Variants in CNBD1 observed in about 807,000 individuals in gnomAD.
The protein encoded by CNBD1 is cyclic nucleotide binding domain containing 1.
CNBD1 carries 71 observed loss-of-function variants against 54.4 expected under a neutral mutation model. That is an observed-to-expected ratio of 1.30 (90% CI 1.08 to 1.59). The LOEUF is 1.59. Among genes scored for constraint, CNBD1 ranks in the 40% most tolerant of loss-of-function variants. The pLI, the probability that CNBD1 is intolerant of heterozygous loss-of-function variation, is 0.00. For missense variants in CNBD1, 659 were observed against 518.0 expected, an observed-to-expected ratio of 1.27 and a Z score of -2.64; for synonymous variants, 182 against 170.7, an observed-to-expected ratio of 1.07 and a Z score of -0.51.
chr8:87,283,700 C>A (rs1585982471), intron 6 of CNBD1, among the ~76,000 whole-genome samples: 1 of 152,128 alleles, frequency 6.6e-6, no homozygotes, highest in Middle Eastern at 3.4e-3. Context: ...TCTTCCTGTC[C>A]CCACTTCACA....
intron 4 of CNBD1, among the ~76,000 whole-genome samples, chr8:86,994,926 C>T (rs879213307): frequency 5.3e-5 from 8 of 152,000 alleles, no homozygotes; most frequent in Non-Finnish European, 8.8e-5. Flanking sequence ...TTGTGTGCTA[C>T]GTATGGGTCA....
At chr8:87,064,257 G>A (rs1017699401) in intron 4 of CNBD1, among the ~76,000 whole-genome samples, 28 of 151,382 alleles carry the variant, frequency 1.8e-4, no homozygotes, top group African/African-American at 6.1e-4. Context: ...AAATAATCTC[G>A]CTTTCTTTTT....
intron 4 of CNBD1, among the ~76,000 whole-genome samples, chr8:87,117,769 T>G (rs1358382787): frequency 1.3e-5 from 2 of 152,166 alleles, no homozygotes; most frequent in Non-Finnish European, 2.9e-5. Flanking sequence ...AGACAAAAGG[T>G]ACTCCAAATA....
intron 2 of CNBD1, among the ~76,000 whole-genome samples, chr8:86,891,775 A>G (rs1442078884): frequency 6.6e-6 from 1 of 151,936 alleles, no homozygotes; most frequent in Non-Finnish European, 1.5e-5. Flanking sequence ...CAGTATACAG[A>G]TCTTTAAACT....
downstream of CNBD1, among the ~76,000 whole-genome samples, chr8:87,385,727 T>C (rs1258368699): frequency 6.6e-6 from 1 of 152,144 alleles, no homozygotes; most frequent in Non-Finnish European, 1.5e-5. Flanking sequence ...CAGAAAACTC[T>C]GCAGACTTAA....
intron 4 of CNBD1, among the ~76,000 whole-genome samples, chr8:87,046,056 A>C (rs890255320): frequency 3.3e-5 from 5 of 151,242 alleles, no homozygotes; most frequent in African/African-American, 1.2e-4. Flanking sequence ...AAAAAAAAAA[A>C]AAAAAAAAAA....
At chr8:87,102,702 C>T (rs1811455270) in intron 4 of CNBD1, among the ~76,000 whole-genome samples, 2 of 152,086 alleles carry the variant, frequency 1.3e-5, no homozygotes, top group Admixed American at 1.3e-4. Flanking sequence ...CAAGCTCTGC[C>T]TCCCGGGTTC....
intron 1 of CNBD1, among the ~76,000 whole-genome samples, chr8:86,879,642 C>T (rs773204184): frequency 6.6e-6 from 1 of 152,092 alleles, no homozygotes; most frequent in Non-Finnish European, 1.5e-5. Flanking sequence ...GAGGCCAAGG[C>T]GGGTGGATCA....
chr8:86,977,828 C>A (rs1330967606), intron 4 of CNBD1, among the ~76,000 whole-genome samples: 1 of 152,030 alleles, frequency 6.6e-6, no homozygotes, highest in Non-Finnish European at 1.5e-5. Flanking sequence ...TAATACCAAT[C>A]ATTCTCACAC....
In CNBD1 at chr8:87,228,696, T is replaced by C. The variant is rs570630957; in HGVS notation, c.578-8223T>C. Among the ~76,000 whole-genome samples the C allele has an allele frequency of 1.5e-3, 221 of 151,888 alleles. 3 individuals carry two copies. The highest frequency in any genetic ancestry group is 4.9e-3 in the African/African-American group (203 of 41,186). On this transcript the variant is annotated intron_variant, in intron 5 of 10. Coordinates refer to ENST00000518476, the MANE Select transcript of CNBD1 (RefSeq NM_173538.3). Reference sequence around the variant, plus strand: ...GCAGAAGTTACTGCTGTCTTTTTGTTTGTCTGTGCCCTGCCCCCAGAGGTG... The same window carrying C: ...GCAGAAGTTACTGCTGTCTTTTTGTCTGTCTGTGCCCTGCCCCCAGAGGTG...
rs1361953219 is a variant in CNBD1, at chr8:87,032,114, A to G, written c.431+92360A>G. ...TTTGAAGACAACATCTTTCTCTTTG[A>G]AAGAAGGTTCTTAATGGCTGCATAC... On this transcript the variant is annotated intron_variant, in intron 4 of 10. Coordinates refer to ENST00000518476, the MANE Select transcript of CNBD1 (RefSeq NM_173538.3). Among the ~76,000 whole-genome samples the G allele has an allele frequency of 2.0e-5, 3 of 152,210 alleles. No homozygotes were observed. In the East Asian group the frequency reaches 5.8e-4, roughly 29 times the overall value.
intron 8 of CNBD1, among the ~76,000 whole-genome samples, chr8:87,310,113 G>A (rs1809233624): frequency 6.6e-6 from 1 of 152,090 alleles, no homozygotes; most frequent in African/African-American, 2.4e-5. Flanking sequence ...CCAGCATTTT[G>A]GGAGGCCAAA....
At chr8:87,412,462 A>G (rs1173457813) in intron 2 of CNBD1, among the ~76,000 whole-genome samples, 3 of 152,134 alleles carry the variant, frequency 2.0e-5, no homozygotes, top group Non-Finnish European at 4.4e-5. Context: ...TTTTATTAAA[A>G]CATGCCTATG....
At chr8:87,342,796 CA>C (rs1810094268) in intron 8 of CNBD1, among the ~76,000 whole-genome samples, 1 of 152,094 alleles carries the variant, frequency 6.6e-6, no homozygotes, top group Non-Finnish European at 1.5e-5. Flanking sequence ...CCATAAAGAT[CA>C]CAAGGCAAGG....
chr8:87,097,622 T>A (rs1811346320), intron 4 of CNBD1, among the ~76,000 whole-genome samples: 1 of 152,248 alleles, frequency 6.6e-6, no homozygotes, highest in South Asian at 2.1e-4. Context: ...TTTGACTTTG[T>A]TCTTCATTAG....
At chr8:87,202,965 T>C (rs1219863298) in intron 4 of CNBD1, among the ~76,000 whole-genome samples, 1 of 152,100 alleles carries the variant, frequency 6.6e-6, no homozygotes, top group African/African-American at 2.4e-5. Context: ...TTGCTTGTGG[T>C]TGTACCTGAA....
intron 4 of CNBD1, among the ~76,000 whole-genome samples, chr8:86,960,281 ACT>A (rs1264302459): frequency 6.6e-6 from 1 of 152,058 alleles, no homozygotes; most frequent in Non-Finnish European, 1.5e-5. Flanking sequence ...GGACACTCCC[ACT>A]CTAATACTGC....
intron 1 of CNBD1, among the ~76,000 whole-genome samples, chr8:86,870,526 T>C (rs965709191): frequency 1.3e-5 from 2 of 152,148 alleles, no homozygotes; most frequent in Admixed American, 6.5e-5. Context: ...GCGAATGTTT[T>C]TCTTCGCTCT....
chr8:87,049,374 T>C (rs904024422), intron 4 of CNBD1, among the ~76,000 whole-genome samples: 2 of 152,170 alleles, frequency 1.3e-5, no homozygotes, highest in Non-Finnish European at 2.9e-5. Context: ...CAGGAAAGCA[T>C]AGTTAGAATC....
Sources: allele counts gnomAD v4.1 joint callset (sites outside exome capture counted in the v4.1 genomes callset), GRCh38; gene constraint gnomAD v4.1.1; transcripts MANE v1.5; gene names NCBI Gene and HGNC (gene_info 2026-07-23, HGNC 2026-07-21).